Variants in THADA observed in about 807,000 individuals in gnomAD.
THADA encodes THADA armadillo repeat containing.
A neutral mutation model predicts 219.8 loss-of-function variants in THADA; 213 were observed. The ratio of observed to expected loss-of-function variants is 0.97; its 90% CI spans 0.87 to 1.09. The LOEUF is 1.09. Among genes scored for constraint, THADA ranks in the 50% least tolerant of loss-of-function variants. The pLI is 0.00. For missense variants in THADA, 2,956 were observed against 2,311.3 expected, an observed-to-expected ratio of 1.28 and a Z score of -5.72; for synonymous variants, 1,018 against 828.9, an observed-to-expected ratio of 1.23 and a Z score of -3.92.
intron 26 of THADA, among the ~76,000 whole-genome samples, chr2:43,480,516 G>A (rs1288005347): frequency 2.6e-5 from 4 of 152,088 alleles, no homozygotes; most frequent in African/African-American, 9.7e-5. Flanking sequence ...AACTGTTTGG[G>A]TTTGAGGATG....
intron 30 of THADA, among the ~76,000 whole-genome samples, chr2:43,326,051 G>T (rs1022500559): frequency 1.3e-5 from 2 of 151,706 alleles, no homozygotes; most frequent in Non-Finnish European, 2.9e-5. Flanking sequence ...TATATCTTAC[G>T]CAGCTACTAA....
intron 26 of THADA, among the ~76,000 whole-genome samples, chr2:43,461,875 G>A (rs372429318): frequency 1.3e-5 from 2 of 152,172 alleles, no homozygotes; most frequent in Admixed American, 1.3e-4. Context: ...ACATCCCTTA[G>A]AGGTTTCTGC....
At chr2:43,466,722 T>C (rs1684280455) in intron 26 of THADA, among the ~76,000 whole-genome samples, 2 of 152,124 alleles carry the variant, frequency 1.3e-5, no homozygotes, top group African/African-American at 4.8e-5. Flanking sequence ...ACTCACTCAA[T>C]TGCACAAAAA....
chr2:43,546,354 G>A (rs1410183418), intron 20 of THADA, among the ~76,000 whole-genome samples: 2 of 152,156 alleles, frequency 1.3e-5, no homozygotes, highest in African/African-American at 2.4e-5. Flanking sequence ...CTGTTGATTT[G>A]GGGTGGAGAG....
At chr2:43,323,230 C>A (rs1289523274) in intron 30 of THADA, among the ~76,000 whole-genome samples, 1 of 152,102 alleles carries the variant, frequency 6.6e-6, no homozygotes, top group Non-Finnish European at 1.5e-5. Flanking sequence ...TAGCCTCAAC[C>A]TCCTGGGCTC....
intron 22 of THADA, among the ~76,000 whole-genome samples, chr2:43,525,412 A>G (rs1693047288): frequency 6.6e-6 from 1 of 152,226 alleles, no homozygotes; most frequent in South Asian, 2.1e-4. Flanking sequence ...AAGGAATGTG[A>G]CTAAAGCAAT....
chr2:43,396,964 G>C (rs1283779707), intron 29 of THADA, among the ~76,000 whole-genome samples: 1 of 152,070 alleles, frequency 6.6e-6, no homozygotes, highest in Non-Finnish European at 1.5e-5. Flanking sequence ...TATATATCTT[G>C]TGGTGTACCC....
chr2:43,488,122 C>T (rs773324088), intron 25 of THADA, among the ~76,000 whole-genome samples: 2 of 152,114 alleles, frequency 1.3e-5, no homozygotes, highest in Non-Finnish European at 2.9e-5. Context: ...TAGTTCATGC[C>T]ATACCAACCT....
At chr2:43,293,490 C>T (rs948120069) in intron 31 of THADA, among the ~76,000 whole-genome samples, 2 of 152,070 alleles carry the variant, frequency 1.3e-5, no homozygotes, top group Non-Finnish European at 1.5e-5. Flanking sequence ...TCAATAAATA[C>T]GAACTCAGTG....
At chr2:43,571,151 G>C (rs542262469) in intron 13 of THADA, among the ~76,000 whole-genome samples, 4 of 152,282 alleles carry the variant, frequency 2.6e-5, no homozygotes, top group East Asian at 3.9e-4. Flanking sequence ...AGCTACTTCA[G>C]AGGCTGGGGA....
Position 43,398,033 on chromosome 2 carries a change from T to G in THADA, c.4165A>C (p.Thr1389Pro), listed in dbSNP as rs1327886829. 6.2e-7 allele frequency: 1 copy of G among 1,613,860 alleles called. No homozygotes were observed. The highest frequency in any genetic ancestry group is 8.5e-7 in the Non-Finnish European group (1 of 1,179,860). Residue 1389 changes from threonine (T) to proline (P), a missense_variant, in exon 29 of 38, where the codon ACA becomes CCA. Physicochemically the swap from Thr to Pro is conservative, Grantham distance 38. Transcript: ENST00000405975. Reference protein sequence around the residue: ...IPNTIRTLLSTLPSCTDQCFR... With the variant: ...IPNTIRTLLSPLPSCTDQCFR... Reference sequence around the variant, plus strand: ...CACTGGTCAGTGCAGCTGGGGAGTGTGGACAACAGAGTTCGAATGGTATTA... The same window carrying G: ...CACTGGTCAGTGCAGCTGGGGAGTGGGGACAACAGAGTTCGAATGGTATTA...
At chr2:43,330,514 G>C (rs1300042798) in intron 30 of THADA, among the ~76,000 whole-genome samples, 1 of 152,196 alleles carries the variant, frequency 6.6e-6, no homozygotes, top group African/African-American at 2.4e-5. Flanking sequence ...AGCTTAATAT[G>C]AGGGCAGATG....
At chr2:43,261,581 C>G (rs138675523) in intron 36 of THADA, among the ~76,000 whole-genome samples, 1,782 of 151,398 alleles carry the variant, frequency 0.012, 36 homozygotes, top group African/African-American at 0.039. Context: ...CTGCCTCAGC[C>G]TCCCAAGTAG....
chr2:43,367,982 G>A (rs1670358269), intron 29 of THADA, among the ~76,000 whole-genome samples: 1 of 152,078 alleles, frequency 6.6e-6, no homozygotes, highest in African/African-American at 2.4e-5. Flanking sequence ...GCCAGGCGTG[G>A]TGGCAAGCAC....
At chr2:43,299,678 C>T (rs930860643) in intron 31 of THADA, among the ~76,000 whole-genome samples, 3 of 151,766 alleles carry the variant, frequency 2.0e-5, no homozygotes, top group African/African-American at 7.3e-5. Context: ...ACAACACCAA[C>T]AAAAACCTAT....
chr2:43,570,474 A>G lies in THADA; in HGVS notation c.2101T>C (p.Tyr701His). The G allele has an allele frequency of 1.2e-6, 2 of 1,613,186 alleles. No individual in the cohort carries two copies. Among genetic ancestry groups the G allele is most frequent in the South Asian group, 1.1e-5 (1 of 90,824 alleles). ...CRIQESSQVL[Y>H]KLEQSKSKRE... The stretch of plus-strand genomic sequence containing the variant: ...TTGGATTTACTCTGCTCCAATTTAT[A>G]AAGTACCTGAGAACTTTCCTGTATC... The change falls in exon 14 of 38, where the codon TAT (tyrosine) becomes CAT (histidine). Residue 701 changes from tyrosine (Y) to histidine (H), a missense_variant. By Grantham distance (83) the Tyr-to-His change is moderately conservative. Coordinates refer to ENST00000405975, the MANE Select transcript of THADA (RefSeq NM_022065.5).
intron 36 of THADA, among the ~76,000 whole-genome samples, chr2:43,264,727 G>C (rs988150409): frequency 1.3e-5 from 2 of 152,174 alleles, no homozygotes; most frequent in African/African-American, 4.8e-5. Context: ...GGGAAGGGAG[G>C]AGCCTGGGGG....
chr2:43,436,715 T>G (rs1053502519), intron 26 of THADA, among the ~76,000 whole-genome samples: 1 of 152,156 alleles, frequency 6.6e-6, no homozygotes, highest in African/African-American at 2.4e-5. Flanking sequence ...TGGACTAAAC[T>G]AGAAACTTTA....
At chr2:43,436,224 T>C (rs1341969431) in intron 26 of THADA, among the ~76,000 whole-genome samples, 2 of 152,154 alleles carry the variant, frequency 1.3e-5, no homozygotes, top group Non-Finnish European at 2.9e-5. Context: ...AAGTTATAAA[T>C]ATTGAAATGG....
Sources: gnomAD v4.1 joint callset for allele counts (sites outside exome capture counted in the v4.1 genomes callset) on GRCh38, gnomAD v4.1.1 for gene constraint, MANE v1.5 for transcripts, NCBI Gene and HGNC (gene_info 2026-07-23, HGNC 2026-07-21) for gene names.